FMR1NB: variants seen among roughly 807,000 people sequenced by gnomAD.
FMR1NB encodes the protein FMR1 neighbor protein.
Under a neutral mutation model 16.8 loss-of-function variants are expected in FMR1NB, and 10 were observed. The observed-to-expected ratio is 0.60, with a 90% CI of 0.37 to 1.01. FMR1NB has a LOEUF of 1.01. Ranked by LOEUF, FMR1NB falls within the 50% of genes least tolerant of loss-of-function variation. The pLI, the probability that FMR1NB is intolerant of heterozygous loss-of-function variation, is 0.01. For synonymous variants in FMR1NB, 83 were observed against 79.1 expected (o/e 1.05, Z -0.26); for missense variants, 205 against 204.8 (o/e 1.00, Z 0.00).
At chrX:147,994,347 ATAAT>A (rs1299282034) in intron 1 of FMR1NB, among the ~76,000 whole-genome samples, 3 of 112,638 alleles carry the variant, frequency 2.7e-5, no homozygotes, top group Non-Finnish European at 3.7e-5. Context: ...AATGAAATTC[ATAAT>A]TAAATAAAGT....
At position 148,023,533 on chromosome X, in the gene FMR1NB, A is replaced by G. The variant is rs1324271713; in HGVS notation, c.633-1332A>G. Among the ~76,000 whole-genome samples the G allele has an allele frequency of 2.8e-5, 3 of 107,768 alleles. 1 individual carries two copies. In the East Asian group the frequency reaches 8.4e-4, roughly 30 times the overall value. 93.6% of individuals were successfully genotyped at this position (107,768 alleles called of 115,157 possible). On this transcript the variant is annotated intron_variant, in intron 4 of 5. Coordinates refer to ENST00000370467, the MANE Select transcript of FMR1NB (RefSeq NM_152578.3). ...TGCTCAGAACCTTGTTTTTCTGTAC[A>G]GCTAAGTAGCACTTACAAGGTCCTG... is the stretch of plus-strand genomic sequence containing the variant.
intron 4 of FMR1NB, among the ~76,000 whole-genome samples, chrX:148,016,814 C>T (rs1277594357): frequency 9.0e-6 from 1 of 110,573 alleles, no homozygotes; most frequent in Non-Finnish European, 1.9e-5. Flanking sequence ...TTATAGTAGT[C>T]GATGTTTTGA....
intron 2 of FMR1NB, 24 bp downstream of exon 2, chrX:148,003,344 C>T (rs782272481): frequency 8.3e-6 from 10 of 1,200,701 alleles, no homozygotes; most frequent in Non-Finnish European, 1.1e-5. Context: ...TGATTTTTTT[C>T]CCCCTCTAAT....
chrX:148,001,184 A>T (rs1557188624), intron 1 of FMR1NB, among the ~76,000 whole-genome samples: 1 of 112,146 alleles, frequency 8.9e-6, no homozygotes, highest in Non-Finnish European at 1.9e-5. Flanking sequence ...GATAAACCTT[A>T]TTCAGGGACA....
At chrX:148,001,677 A>C (rs1363005977) in intron 1 of FMR1NB, among the ~76,000 whole-genome samples, 1 of 110,324 alleles carries the variant, frequency 9.1e-6, no homozygotes, top group Admixed American at 9.8e-5. Flanking sequence ...TTGAACCAGG[A>C]AGGCGGAGGT....
chrX:148,025,299 T>C (rs1293017682), intron 5 of FMR1NB, among the ~76,000 whole-genome samples: 2 of 111,437 alleles, frequency 1.8e-5, no homozygotes, highest in Non-Finnish European at 3.8e-5. Context: ...TCTGACTCTA[T>C]GGCTCCCTGA....
chrX:148,025,691 T>C (rs1260127158), intron 5 of FMR1NB, among the ~76,000 whole-genome samples: 1 of 112,290 alleles, frequency 8.9e-6, no homozygotes, highest in Non-Finnish European at 1.9e-5. Flanking sequence ...TAGTAGTGTT[T>C]CCATGGGCAG....
intron 4 of FMR1NB, among the ~76,000 whole-genome samples, chrX:148,019,156 GT>G (rs1302388396): frequency 8.9e-6 from 1 of 111,797 alleles, no homozygotes; most frequent in Non-Finnish European, 1.9e-5. Flanking sequence ...GTCACTAATT[GT>G]TTATTCTACT....
At chrX:148,013,744 C>T (rs782699652) in intron 4 of FMR1NB, among the ~76,000 whole-genome samples, 4 of 111,354 alleles carry the variant, frequency 3.6e-5, no homozygotes, top group Non-Finnish European at 7.5e-5. Context: ...CAGTCACTCT[C>T]GTGAATTAGA....
chrX:148,011,346 G>C (rs1275661603), intron 4 of FMR1NB, among the ~76,000 whole-genome samples: 1 of 111,156 alleles, frequency 9.0e-6, no homozygotes. Context: ...AGGTGAAAAG[G>C]GTAATTATGC....
rs1268827891 is a variant in FMR1NB, at chrX:148,009,201, C to T, written c.632+490C>T. Reference sequence around the variant, plus strand: ...TACGTCTCAAAAATAAAATAAAATGCGTGTTATTTTATTTTTCCATAGATT... The same window carrying T: ...TACGTCTCAAAAATAAAATAAAATGTGTGTTATTTTATTTTTCCATAGATT... On this transcript the variant is annotated intron_variant, in intron 4 of 5. Transcript: ENST00000370467. Among the ~76,000 whole-genome samples the T allele has an allele frequency of 3.6e-5, 4 of 111,034 alleles. No individual in the cohort carries two copies. In the Admixed American group the frequency reaches 3.9e-4, roughly 11 times the overall value.
intron 1 of FMR1NB, among the ~76,000 whole-genome samples, chrX:147,982,363 G>A (rs782525169): frequency 6.4e-5 from 7 of 109,862 alleles, no homozygotes; most frequent in African/African-American, 9.9e-5. Flanking sequence ...CGAGGCGGGC[G>A]GATTGCCTGA....
intron 2 of FMR1NB, among the ~76,000 whole-genome samples, chrX:148,004,636 A>C (rs1376492671): frequency 8.9e-6 from 1 of 112,305 alleles, no homozygotes; most frequent in Non-Finnish European, 1.9e-5. Context: ...ACATAATTGA[A>C]AATAAACACT....
intron 1 of FMR1NB, among the ~76,000 whole-genome samples, chrX:147,997,946 T>A (rs1209955297): frequency 5.0e-4 from 56 of 112,285 alleles, no homozygotes; most frequent in African/African-American, 1.8e-3. Flanking sequence ...TTAAAATGTG[T>A]GGAAACAACA....
At chrX:148,023,115 G>A (rs1463702843) in intron 4 of FMR1NB, among the ~76,000 whole-genome samples, 1 of 111,280 alleles carries the variant, frequency 9.0e-6, no homozygotes, top group Non-Finnish European at 1.9e-5. Flanking sequence ...GACCCCATGG[G>A]AATGTCATGT....
At chrX:147,992,065 C>A (rs2044508862) in intron 1 of FMR1NB, among the ~76,000 whole-genome samples, 1 of 112,347 alleles carries the variant, frequency 8.9e-6, no homozygotes, top group Non-Finnish European at 1.9e-5. Context: ...CTTCCTTCCA[C>A]ACAGACACGG....
intron 1 of FMR1NB, among the ~76,000 whole-genome samples, chrX:147,982,819 G>A (rs909355215): frequency 2.5e-4 from 28 of 110,670 alleles, no homozygotes; most frequent in East Asian, 1.1e-3. Flanking sequence ...GCATGGACCC[G>A]GAAGGCGGAG....
At chrX:148,019,167 T>C (rs1557190410) in intron 4 of FMR1NB, among the ~76,000 whole-genome samples, 2 of 112,296 alleles carry the variant, frequency 1.8e-5, no homozygotes, top group Non-Finnish European at 3.8e-5. Flanking sequence ...TTTATTCTAC[T>C]TGATCAATCT....
At chrX:148,009,098 G>T (rs1370981966) in intron 4 of FMR1NB, among the ~76,000 whole-genome samples, 1 of 111,326 alleles carries the variant, frequency 9.0e-6, no homozygotes, top group Non-Finnish European at 1.9e-5. Context: ...CAAGAGAATT[G>T]CTTGAACCTG....
Sources: gnomAD v4.1 joint callset for allele counts (sites outside exome capture counted in the v4.1 genomes callset) on GRCh38, gnomAD v4.1.1 for gene constraint, MANE v1.5 for transcripts, NCBI Gene and HGNC (gene_info 2026-07-23, HGNC 2026-07-21) for gene names.